Variants in RAD51B observed in about 807,000 individuals in gnomAD.
RAD51B encodes the protein DNA repair protein RAD51 homolog 2.
RAD51B carries 38 observed loss-of-function variants against 42.2 expected under a neutral mutation model. The ratio of observed to expected loss-of-function variants is 0.90; its 90% CI spans 0.70 to 1.18. The LOEUF is 1.18. RAD51B is among the 50% of genes most tolerant of loss of function. RAD51B has a pLI of 0.00. For synonymous variants in RAD51B, 154 were observed against 145.2 expected (o/e 1.06, Z -0.43); for missense variants, 373 against 400.7 (o/e 0.93, Z 0.59).
Position 68,300,823 on chromosome 14 carries a change from A to C in RAD51B, c.853+8843A>C, listed in dbSNP as rs144494747. On this transcript the variant is annotated intron_variant, in intron 8 of 10. Coordinates refer to ENST00000471583, the MANE Select transcript of RAD51B (RefSeq NM_133510.4). ...CAGGGACATATAACAGAGGCACATT[A>C]GCTAGCGCAGGCTGTCCCCATGGTC... 3.8e-3 allele frequency among the ~76,000 whole-genome samples: 572 copies of C among 152,352 alleles called. 3 individuals carry two copies. The highest frequency in any genetic ancestry group is 0.013 in the African/African-American group (550 of 41,588).
At chr14:68,133,809 T>TTAACAAA (rs1448209697) in intron 7 of RAD51B, among the ~76,000 whole-genome samples, 4 of 152,138 alleles carry the variant, frequency 2.6e-5, no homozygotes, top group Non-Finnish European at 4.4e-5. Context: ...TTTGGCTTGT[T>TTAACAAA]AAGAAAACTT....
At chr14:68,249,417 A>G (rs2080572137) in intron 7 of RAD51B, among the ~76,000 whole-genome samples, 1 of 152,252 alleles carries the variant, frequency 6.6e-6, no homozygotes. Context: ...GTCTGAATGT[A>G]TAAAATCGAT....
intron 10 of RAD51B, among the ~76,000 whole-genome samples, chr14:68,647,482 T>C (rs1892586188): frequency 6.6e-6 from 1 of 152,228 alleles, no homozygotes; most frequent in Non-Finnish European, 1.5e-5. Flanking sequence ...CAGGAAATAC[T>C]TGATTAATTT....
intron 7 of RAD51B, among the ~76,000 whole-genome samples, chr14:68,072,591 A>G (rs867134113): frequency 6.6e-6 from 1 of 152,154 alleles, no homozygotes; most frequent in Admixed American, 6.6e-5. Context: ...TCCTTTGACA[A>G]CACCCTCACA....
intron 10 of RAD51B, among the ~76,000 whole-genome samples, chr14:68,508,278 A>T (rs1885483641): frequency 6.6e-6 from 1 of 152,092 alleles, no homozygotes; most frequent in East Asian, 1.9e-4. Context: ...GAGACCTCTG[A>T]ACAATAGCAG....
intron 3 of RAD51B, among the ~76,000 whole-genome samples, chr14:67,830,711 A>G (rs1311795327): frequency 6.6e-6 from 1 of 151,922 alleles, no homozygotes; most frequent in Non-Finnish European, 1.5e-5. Context: ...AGGAGAGAGA[A>G]TTAATGGGAT....
intron 8 of RAD51B, among the ~76,000 whole-genome samples, chr14:68,394,916 C>T (rs552566313): frequency 6.6e-6 from 1 of 152,340 alleles, no homozygotes; most frequent in African/African-American, 2.4e-5. Flanking sequence ...CCCCCGCCTG[C>T]TCTTTTTCTC....
intron 10 of RAD51B, among the ~76,000 whole-genome samples, chr14:68,515,596 G>A (rs937544513): frequency 6.7e-6 from 1 of 150,172 alleles, no homozygotes; most frequent in Admixed American, 6.6e-5. Context: ...CTACAGGTGT[G>A]CACCACCATT....
chr14:68,001,909 G>A (rs1384010819), intron 7 of RAD51B, among the ~76,000 whole-genome samples: 1 of 152,190 alleles, frequency 6.6e-6, no homozygotes, highest in Non-Finnish European at 1.5e-5. Context: ...GTATTCCATG[G>A]TGTATACGTA....
rs1356159994 is a variant in RAD51B, at chr14:68,551,653, T to C, written c.1037-42832T>C. ...CCAGGTCAAGGGCTTTCTCTCACAC[T>C]TATTTACACCTCAGCACCTAGCACA... On this transcript the variant is annotated intron_variant, in intron 10 of 10. Coordinates refer to the RAD51B transcript ENST00000487270. Among the ~76,000 whole-genome samples, 4 of 152,346 alleles carry C rather than the reference T, an allele frequency of 2.6e-5. No homozygotes were observed. The East Asian group carries it at 5.8e-4, about 22-fold the overall frequency.
At position 68,225,823 on chromosome 14, in the gene RAD51B, G is replaced by A. The variant is rs770783148; in HGVS notation, c.757-66061G>A. 2.9e-4 allele frequency among the ~76,000 whole-genome samples: 44 copies of A among 152,142 alleles called. 1 individual carries two copies. The highest frequency in any genetic ancestry group is 2.1e-4 in the South Asian group (1 of 4,836). On this transcript the variant is annotated intron_variant, in intron 7 of 10. Transcript: ENST00000471583. The stretch of plus-strand genomic sequence containing the variant: ...TGCCTCACCTGAGGACAACACAAGA[G>A]GCTTAAACTGCAATATGAGGGATTT...
chr14:68,199,744 TC>T (rs2079445921), intron 7 of RAD51B, among the ~76,000 whole-genome samples: 1 of 152,206 alleles, frequency 6.6e-6, no homozygotes, highest in African/African-American at 2.4e-5. Context: ...GGTCTCATCT[TC>T]CACCCACTGC....
At chr14:68,020,271 G>A (rs2075842710) in intron 7 of RAD51B, among the ~76,000 whole-genome samples, 1 of 151,932 alleles carries the variant, frequency 6.6e-6, no homozygotes, top group Non-Finnish European at 1.5e-5. Context: ...CACCATGCCT[G>A]GCTAATTTTT....
At chr14:68,381,713 T>C (rs1274756994) in intron 8 of RAD51B, among the ~76,000 whole-genome samples, 2 of 152,132 alleles carry the variant, frequency 1.3e-5, no homozygotes, top group Non-Finnish European at 2.9e-5. Flanking sequence ...CCATAGAGTT[T>C]CTTTATAATT....
intron 3 of RAD51B, among the ~76,000 whole-genome samples, chr14:67,834,454 A>G (rs2041162938): frequency 1.3e-5 from 2 of 152,024 alleles, no homozygotes; most frequent in Admixed American, 1.3e-4. Flanking sequence ...TCACAAACGA[A>G]CCCAAGTTTG....
chr14:68,583,258 T>C (rs1344165413), intron 10 of RAD51B, among the ~76,000 whole-genome samples: 3 of 152,192 alleles, frequency 2.0e-5, no homozygotes, highest in African/African-American at 7.2e-5. Flanking sequence ...CAGGTTTGTC[T>C]ACAGCGCCTG....
chr14:67,901,702 A>G (rs1595083016), intron 7 of RAD51B, among the ~76,000 whole-genome samples: 1 of 152,232 alleles, frequency 6.6e-6, no homozygotes, highest in East Asian at 1.9e-4. Context: ...AGGAAAGTGT[A>G]GTATATATAC....
chr14:67,823,427 C>T lies in RAD51B; in HGVS notation c.-2-115C>T. On this transcript the variant is annotated intron_variant, in intron 1 of 10. Transcript: ENST00000471583. ...TTTTAACACAATATGTTTCATTTTG[C>T]ATATGGAGAAACTTGAGGAATTTTT... The T allele has an allele frequency of 1.0e-5, 7 of 699,774 alleles. No homozygotes were observed. In the South Asian group the frequency reaches 1.5e-4, roughly 15 times the overall value. 43.3% of individuals were successfully genotyped at this position (699,774 alleles called of 1,614,324 possible). A position where few individuals can be genotyped will look rare whatever the true frequency, so the allele number is the denominator to read the frequency against.
chr14:67,892,648 A>G (rs1199159612), intron 7 of RAD51B, among the ~76,000 whole-genome samples: 3 of 152,200 alleles, frequency 2.0e-5, no homozygotes, highest in Admixed American at 1.3e-4. Flanking sequence ...AGCCACAGGT[A>G]CTGGTTTGAT....
Sources: gnomAD v4.1 joint callset for allele counts (sites outside exome capture counted in the v4.1 genomes callset) on GRCh38, gnomAD v4.1.1 for gene constraint, MANE v1.5 for transcripts, NCBI Gene and HGNC (gene_info 2026-07-23, HGNC 2026-07-21) for gene names.